The following ZNF432 variants were observed in gnomAD, a reference collection of about 807,000 sequenced individuals.
ZNF432 encodes the protein zinc finger protein 432.
In ZNF432, 10 loss-of-function variants were observed where a neutral mutation model predicts 13.9. The ratio of observed to expected loss-of-function variants is 0.72; its 90% CI spans 0.44 to 1.22. The LOEUF is 1.22. Ranked by LOEUF, ZNF432 falls within the 50% of genes most tolerant of loss-of-function variation. ZNF432 has a pLI of 0.00. For synonymous variants in ZNF432, 247 were observed against 256.2 expected (o/e 0.96, Z 0.34); for missense variants, 793 against 796.2 (o/e 1.00, Z 0.05).
chr19:52,047,236 A>C (rs929852528), intron 1 of ZNF432, 176 bp from the exon 2 acceptor site: 7 of 285,502 alleles, frequency 2.5e-5, no homozygotes, highest in African/African-American at 4.3e-5. Flanking sequence ...GTCACAAAGG[A>C]GAATCCACAT....
intron 2 of ZNF432, among the ~76,000 whole-genome samples, chr19:52,044,127 T>C (rs976760979): frequency 6.6e-6 from 1 of 152,114 alleles, no homozygotes; most frequent in Non-Finnish European, 1.5e-5. Flanking sequence ...TCTATCCCCA[T>C]ATAATCACAG....
Position 52,033,971 on chromosome 19 carries a change from T to C in ZNF432, c.1708A>G (p.Ile570Val), listed in dbSNP as rs2087041782. 10 of 1,614,128 alleles carry C rather than the reference T, an allele frequency of 6.2e-6. No homozygotes were observed. Among genetic ancestry groups the C allele is most frequent in the South Asian group, 1.1e-5 (1 of 91,078 alleles). ...AAGCCTCTTCCACATTCACTACATA[T>C]ACAAGATTTCTCTTCTGTATGAATT... ...QQIHTEEKSC[I>V]CSECGRGFAK... Residue 570 changes from isoleucine (I) to valine (V), a missense_variant, in exon 5 of 5, where the codon ATA (isoleucine) becomes GTA (valine). By Grantham distance (29) the Ile-to-Val change is conservative. Transcript: ENST00000221315.
chr19:52,039,448 C>T (rs2087113436), intron 4 of ZNF432, among the ~76,000 whole-genome samples: 1 of 152,070 alleles, frequency 6.6e-6, no homozygotes, highest in African/African-American at 2.4e-5. Context: ...ATTTCAAAAA[C>T]ATTATGCTAA....
At position 52,034,164 on chromosome 19, in the gene ZNF432, T is replaced by C. The variant is rs773725530; in HGVS notation, c.1515A>G (p.Arg505=). Residue 505 remains arginine (R), a synonymous_variant, in exon 5 of 5, where the codon CGA becomes CGG. Coordinates refer to ENST00000221315, the MANE Select transcript of ZNF432 (RefSeq NM_014650.4). ...TGTACGGTTTCTCTCCAGTATGAGTTCGCTGATGTAACATCAGTCCGCTAT... is the reference window on the plus strand; with the variant it reads ...TGTACGGTTTCTCTCCAGTATGAGTCCGCTGATGTAACATCAGTCCGCTAT... The part of the protein sequence containing the change: ...IVNSGLMLHQ[R]THTGEKPYIC... The C allele has an allele frequency of 6.2e-7, 1 of 1,614,146 alleles. No individual in the cohort carries two copies. Among genetic ancestry groups the C allele is most frequent in the South Asian group, 1.1e-5 (1 of 91,072 alleles).
rs2087036946 is a variant in ZNF432, at chr19:52,033,617, T to C, written c.*103A>G. ...AATAACACTGGATTTTGAAATATGA[T>C]TTTTCATACTCAGTACACATGTAGA... On this transcript the variant is annotated 3_prime_UTR_variant, in exon 5 of 5. Transcript: ENST00000221315. 3 of 1,318,220 alleles carry C rather than the reference T, an allele frequency of 2.3e-6. No homozygotes were observed. The highest frequency in any genetic ancestry group is 2.1e-6 in the Non-Finnish European group (2 of 972,714). 81.7% of individuals were successfully genotyped at this position (1,318,220 alleles called of 1,614,324 possible).
chr19:52,034,558 A>G lies in ZNF432; in HGVS notation c.1121T>C (p.Ile374Thr), dbSNP rs1371423870. 2 of 1,613,168 alleles carry G rather than the reference A, an allele frequency of 1.2e-6. No individual in the cohort carries two copies. Among genetic ancestry groups the G allele is most frequent in the African/African-American group, 2.7e-5 (2 of 74,660 alleles). ...QRNHTGEKPY[I>T]CNECGKGFTM... ...GAAGCCTTTCCCACATTCATTGCAT[A>G]TATATGGTTTCTCTCCTGTATGATT... is the stretch of plus-strand genomic sequence containing the variant. The change falls in exon 5 of 5, where the codon ATA becomes ACA. Residue 374 changes from isoleucine (I) to threonine (T), a missense_variant. Coordinates refer to ENST00000221315, the MANE Select transcript of ZNF432 (RefSeq NM_014650.4).
At chr19:52,037,259 C>T (rs571106945) in intron 4 of ZNF432, among the ~76,000 whole-genome samples, 1 of 152,350 alleles carries the variant, frequency 6.6e-6, no homozygotes, top group East Asian at 1.9e-4. Flanking sequence ...AATCTGTAGA[C>T]TACCATCTAA....
In ZNF432 at chr19:52,034,854, A is replaced by G; in HGVS notation, c.825T>C (p.Arg275=). 6.2e-7 allele frequency: 1 copy of G among 1,613,900 alleles called. No homozygotes were observed. The highest frequency in any genetic ancestry group is 8.5e-7 in the Non-Finnish European group (1 of 1,179,886). ...ECGKVFTMKS[R]LIEHQRTHTG... is the part of the protein sequence containing the mutation. ...TATGAGTTCGCTGATGTTCAATCAG[A>G]CGGCTCTTCATAGTGAAGACTTTTC... is the stretch of plus-strand genomic sequence containing the variant. The change falls in exon 5 of 5, where the codon CGT becomes CGC. Residue 275 remains arginine, a synonymous_variant. Coordinates refer to ENST00000221315, the MANE Select transcript of ZNF432 (RefSeq NM_014650.4).
At chr19:52,042,210 T>A (rs1600054034) in intron 2 of ZNF432, among the ~76,000 whole-genome samples, 1 of 152,258 alleles carries the variant, frequency 6.6e-6, no homozygotes, top group East Asian at 1.9e-4. Flanking sequence ...AAAGGTTATA[T>A]TAAATACACT....
At chr19:52,046,767 T>C in intron 2 of ZNF432, 87 bp downstream of exon 2, 1 of 1,399,130 alleles carries the variant, frequency 7.1e-7, no homozygotes, top group African/African-American at 1.4e-5. Flanking sequence ...TAAAGTTTAT[T>C]TCTCTCTAGA....
In ZNF432 at chr19:52,045,635, G is replaced by A. The variant is rs1176883434; in HGVS notation, c.15+1219C>T. Among the ~76,000 whole-genome samples, 8 of 151,050 alleles carry A rather than the reference G, an allele frequency of 5.3e-5. No homozygotes were observed. The East Asian group carries it at 1.2e-3, about 22-fold the overall frequency. ...CTCCAAAAGTGCTGGGATTACAGGC[G>A]TGAGCCACTGTGCCCGGCCCGGAAA... On this transcript the variant is annotated intron_variant, in intron 2 of 4. Coordinates refer to ENST00000221315, the MANE Select transcript of ZNF432 (RefSeq NM_014650.4).
Position 52,032,786 on chromosome 19 carries a change from T to TA in ZNF432, c.*933_*934insT, listed in dbSNP as rs1306754049. ...TTTACTTCATGAATTTCCTGATCCT[T>TA]TTTAAAGTTACTCTTCATATAAGTT... On this transcript the variant is annotated 3_prime_UTR_variant, in exon 5 of 5. Transcript: ENST00000221315. 1 of 152,202 alleles carries TA rather than the reference T, an allele frequency of 6.6e-6. No individual in the cohort carries two copies. The highest frequency in any genetic ancestry group is 2.4e-5 in the African/African-American group (1 of 41,456). 9.4% of individuals were successfully genotyped at this position (152,202 alleles called of 1,614,324 possible).
chr19:52,041,710 C>T, intron 2 of ZNF432, 104 bp from the exon 3 acceptor site: 1 of 1,329,660 alleles, frequency 7.5e-7, no homozygotes, highest in Non-Finnish European at 1.1e-6. Context: ...ATATAGACTG[C>T]ATCCATCTAT....
At chr19:52,037,532 C>T (rs887194645) in intron 4 of ZNF432, among the ~76,000 whole-genome samples, 3 of 152,132 alleles carry the variant, frequency 2.0e-5, no homozygotes, top group Non-Finnish European at 4.4e-5. Flanking sequence ...CACGGTGGCT[C>T]ACACCTGTAA....
chr19:52,048,059 G>A (rs1407872225), intron 1 of ZNF432, among the ~76,000 whole-genome samples: 1 of 149,312 alleles, frequency 6.7e-6, no homozygotes, highest in Admixed American at 6.7e-5. Context: ...TGTGGAGGAG[G>A]TACTCGGACC....
At position 52,034,432 on chromosome 19, in the gene ZNF432, A is replaced by T. The variant is rs1212154748; in HGVS notation, c.1247T>A (p.Leu416His). The T allele has an allele frequency of 6.2e-7, 1 of 1,614,028 alleles. No homozygotes were observed. Among genetic ancestry groups the T allele is most frequent in the East Asian group, 2.2e-5 (1 of 44,876 alleles). ...CGKGFPRKSN[L>H]IVHQRNHTVE... ...TGTATGATTTCTCTGATGTACAATA[A>T]GATTACTCTTCCTGGGAAAGCCTTT... is the stretch of plus-strand genomic sequence containing the variant. Residue 416 changes from leucine (L) to histidine (H), a missense_variant, in exon 5 of 5, where the codon CTT becomes CAT. Leu to His is a moderately conservative substitution (Grantham distance 99). Transcript: ENST00000221315.
Position 52,035,177 on chromosome 19 carries a change from C to G in ZNF432, c.502G>C (p.Gly168Arg), listed in dbSNP as rs1388350436. 6.2e-7 allele frequency: 1 copy of G among 1,613,412 alleles called. No homozygotes were observed. ...FSGDGKSFLH[G>R]NYEELYSAAK... The stretch of plus-strand genomic sequence containing the variant: ...GCAGAATAAAGTTCTTCATAGTTAC[C>G]ATGAAGAAATGATTTCCCATCTCCA... The change falls in exon 5 of 5, where the codon GGT becomes CGT. Residue 168 changes from glycine (G) to arginine (R), a missense_variant. Transcript: ENST00000221315.
At chr19:52,038,104 CAATT>C (rs1296405491) in intron 4 of ZNF432, among the ~76,000 whole-genome samples, 1 of 152,176 alleles carries the variant, frequency 6.6e-6, no homozygotes, top group Admixed American at 6.5e-5. Context: ...CATGCTACCT[CAATT>C]ACTCATATAT....
In ZNF432 at chr19:52,040,501, A is replaced by G; in HGVS notation, c.225T>C (p.Ser75=). ...CTTCTCACATACCTGGACAGATTCG[A>G]CTGTGCCTTTCATCTTCCATTGTCC... The part of the protein sequence containing the change: ...EPWTMEDERH[S]RICPENNEVD... Residue 75 remains serine, a synonymous_variant, in exon 4 of 5, where the codon AGT becomes AGC. Transcript: ENST00000221315. 1 of 1,614,120 alleles carries G rather than the reference A, an allele frequency of 6.2e-7. No individual in the cohort carries two copies.
Sources: gnomAD v4.1 joint callset for allele counts (sites outside exome capture counted in the v4.1 genomes callset) on GRCh38, gnomAD v4.1.1 for gene constraint, MANE v1.5 for transcripts, NCBI Gene and HGNC (gene_info 2026-07-23, HGNC 2026-07-21) for gene names.